Variants in CUL3 observed in about 807,000 individuals in gnomAD.
CUL3 encodes cullin-3.
CUL3 carries 19 observed loss-of-function variants against 89.1 expected under a neutral mutation model. The observed-to-expected ratio is 0.21, with a 90% CI of 0.15 to 0.31. The LOEUF is 0.31. Ranked by LOEUF, CUL3 falls within the 10% of genes least tolerant of loss-of-function variation. The pLI, the probability that CUL3 is intolerant of heterozygous loss-of-function variation, is 1.00. For synonymous variants in CUL3, 351 were observed against 308.4 expected (o/e 1.14, Z -1.45); for missense variants, 469 against 942.3 (o/e 0.50, Z 6.58).
intron 11 of CUL3, chr2:224,499,730 CACAG>C: frequency 4.7e-6 from 1 of 211,636 alleles, no homozygotes; most frequent in East Asian, 1.1e-4. Flanking sequence ...GCAATCAGCT[CACAG>C]ACAATGTCTA....
chr2:224,535,421 T>C (rs1693858545), intron 3 of CUL3, 107 bp downstream of exon 3: 14 of 651,236 alleles, frequency 2.1e-5, no homozygotes, highest in South Asian at 5.8e-5. Flanking sequence ...ATGCCCACCT[T>C]GGCCTCCCAA....
At chr2:224,524,573 A>G (rs1254654624) in intron 3 of CUL3, among the ~76,000 whole-genome samples, 1 of 152,198 alleles carries the variant, frequency 6.6e-6, no homozygotes, top group East Asian at 1.9e-4. Context: ...TGCTCTGTGA[A>G]TAGGTATGTC....
intron 10 of CUL3, among the ~76,000 whole-genome samples, chr2:224,501,491 T>C (rs1232383206): frequency 6.6e-6 from 1 of 152,248 alleles, no homozygotes; most frequent in Admixed American, 6.5e-5. Context: ...CTATTATTGA[T>C]ATTCAGGATG....
intron 3 of CUL3, among the ~76,000 whole-genome samples, chr2:224,529,906 T>C (rs146733397): frequency 6.6e-6 from 1 of 152,188 alleles, no homozygotes; most frequent in Non-Finnish European, 1.5e-5. Flanking sequence ...CATAGTTTAA[T>C]GCATAACATT....
At chr2:224,536,287 TG>T (rs1483692944) in intron 2 of CUL3, among the ~76,000 whole-genome samples, 3 of 152,226 alleles carry the variant, frequency 2.0e-5, no homozygotes, top group Non-Finnish European at 4.4e-5. Flanking sequence ...AACTGTGCTC[TG>T]CCATTCCTTC....
chr2:224,542,077 T>C (rs1694129761), intron 2 of CUL3, among the ~76,000 whole-genome samples: 2 of 152,200 alleles, frequency 1.3e-5, no homozygotes, highest in African/African-American at 4.8e-5. Context: ...TATTTGAAAA[T>C]TGGGCCCTGT....
chr2:224,538,653 G>A (rs1194487827), intron 2 of CUL3, among the ~76,000 whole-genome samples: 1 of 152,134 alleles, frequency 6.6e-6, no homozygotes, highest in Non-Finnish European at 1.5e-5. Context: ...AAATTACACA[G>A]ATAAAGAGTT....
chr2:224,573,890 T>C (rs1695241875), intron 1 of CUL3, among the ~76,000 whole-genome samples: 1 of 152,178 alleles, frequency 6.6e-6, no homozygotes, highest in Admixed American at 6.5e-5. Flanking sequence ...TAAAACAGCC[T>C]ACCACAAGTC....
intron 14 of CUL3, chr2:224,479,257 G>C (rs1018526331): frequency 6.6e-6 from 1 of 151,976 alleles, no homozygotes; most frequent in African/African-American, 2.4e-5. Context: ...AGATCATTCT[G>C]GTGTGCGTAT....
intron 2 of CUL3, among the ~76,000 whole-genome samples, chr2:224,549,549 T>C (rs1253124101): frequency 6.6e-6 from 1 of 152,180 alleles, no homozygotes; most frequent in African/African-American, 2.4e-5. Context: ...TCAAGATTAT[T>C]AGTGAGAGAA....
intron 6 of CUL3, among the ~76,000 whole-genome samples, chr2:224,507,629 C>T (rs1692650022): frequency 6.6e-6 from 1 of 152,018 alleles, no homozygotes; most frequent in Non-Finnish European, 1.5e-5. Flanking sequence ...CTAATGTTTC[C>T]CAGGTAGCAT....
intron 5 of CUL3, 92 bp from the exon 6 acceptor site, chr2:224,511,674 G>A: frequency 1.5e-6 from 1 of 666,886 alleles, no homozygotes; most frequent in East Asian, 2.9e-5. Flanking sequence ...TAATAAATCA[G>A]CCTAAATAAA....
intron 1 of CUL3, among the ~76,000 whole-genome samples, chr2:224,576,062 G>C (rs1197869518): frequency 6.6e-6 from 1 of 152,342 alleles, no homozygotes; most frequent in African/African-American, 2.4e-5. Flanking sequence ...GAGGGAGCAT[G>C]AGTTCAGGAA....
rs1216707740 is a variant in CUL3 at position 224,474,264 on chromosome 2, A to G, written c.2288T>C (p.Val763Ala). The G allele has an allele frequency of 6.2e-7, 1 of 1,613,926 alleles. No homozygotes were observed. Among genetic ancestry groups the G allele is most frequent in the Admixed American group, 1.7e-5 (1 of 60,002 alleles). ...CGCATTTTATGCTACATATGTGTATACTTTGCGATCCTCAGGTGTTCGTGC... is the reference window on the plus strand; with the variant it reads ...CGCATTTTATGCTACATATGTGTATGCTTTGCGATCCTCAGGTGTTCGTGC... Reference protein sequence around the residue: ...YLARTPEDRKVYTYVA With the variant: ...YLARTPEDRKAYTYVA The change falls in exon 16 of 16, where the codon GTA (valine) becomes GCA (alanine). Residue 763 changes from valine (V) to alanine (A), a missense_variant. Coordinates refer to ENST00000264414, the MANE Select transcript of CUL3 (RefSeq NM_003590.5).
Position 224,532,402 on chromosome 2 carries a change from G to C in CUL3, c.378+3126C>G, listed in dbSNP as rs913078859. On this transcript the variant is annotated intron_variant, in intron 3 of 15. Transcript: ENST00000264414. ...CATACAAAGAGAGTTCTTTGTTACA[G>C]AAATCAAGGAAACATGTTAGAAGAA... Among the ~76,000 whole-genome samples the C allele has an allele frequency of 2.7e-5, 4 of 150,660 alleles. No homozygotes were observed. The South Asian group carries it at 6.3e-4, about 24-fold the overall frequency.
intron 3 of CUL3, among the ~76,000 whole-genome samples, chr2:224,525,264 T>C (rs1000199143): frequency 1.3e-5 from 2 of 152,220 alleles, no homozygotes; most frequent in Non-Finnish European, 2.9e-5. Flanking sequence ...CCATGAGCTT[T>C]AGAATCAACT....
intron 13 of CUL3, chr2:224,495,559 G>C (rs1692141707): frequency 4.3e-6 from 1 of 231,204 alleles, no homozygotes; most frequent in South Asian, 1.0e-4. Context: ...TTCTTGTGAT[G>C]GTAGTTACAA....
chr2:224,521,428 T>C (rs980665360), intron 3 of CUL3, among the ~76,000 whole-genome samples: 2 of 151,882 alleles, frequency 1.3e-5, no homozygotes, highest in Non-Finnish European at 2.9e-5. Context: ...AGTAGTTTCA[T>C]ACTTCTTTTT....
At chr2:224,535,448 G>A in intron 3 of CUL3, 80 bp downstream of exon 3, 1 of 925,338 alleles carries the variant, frequency 1.1e-6, no homozygotes, top group Non-Finnish European at 1.6e-6. Context: ...GGGATTACAG[G>A]CGTGAGCCAC....
Sources: allele counts gnomAD v4.1 joint callset (sites outside exome capture counted in the v4.1 genomes callset), GRCh38; gene constraint gnomAD v4.1.1; transcripts MANE v1.5; gene names NCBI Gene and HGNC (gene_info 2026-07-23, HGNC 2026-07-21).